The following GALNTL6 variants were observed in gnomAD, a reference collection of about 807,000 sequenced individuals.
GALNTL6 encodes polypeptide N-acetylgalactosaminyltransferase-like 6.
Under a neutral mutation model 73.7 loss-of-function variants are expected in GALNTL6, and 46 were observed. The observed-to-expected ratio is 0.62, with a 90% CI of 0.49 to 0.80. The LOEUF (loss-of-function observed/expected upper bound fraction) is 0.80, where lower values mean the gene tolerates loss of function less well. Ranked by LOEUF, GALNTL6 falls within the 30% of genes least tolerant of loss-of-function variation. The probability of loss-of-function intolerance (pLI) is 0.00; values close to 1 mark genes in which losing one functional copy is unlikely to be tolerated. For synonymous variants in GALNTL6, 259 were observed against 263.7 expected (o/e 0.98, Z 0.17); for missense variants, 604 against 755.0 (o/e 0.80, Z 2.34).
chr4:172,653,203 A>T (rs1740566564), intron 5 of GALNTL6, among the ~76,000 whole-genome samples: 1 of 140,134 alleles, frequency 7.1e-6, no homozygotes, highest in Non-Finnish European at 1.5e-5. Flanking sequence ...GCACTTTGTT[A>T]TCTTTCTATT....
chr4:172,045,803 C>G (rs183850939), intron 2 of GALNTL6, among the ~76,000 whole-genome samples: 31 of 151,928 alleles, frequency 2.0e-4, no homozygotes, highest in African/African-American at 7.2e-4. Context: ...ACAAATTCCT[C>G]CCATGTAACT....
chr4:172,135,350 C>T (rs573064946), intron 2 of GALNTL6, among the ~76,000 whole-genome samples: 115 of 152,030 alleles, frequency 7.6e-4, no homozygotes, highest in Non-Finnish European at 1.4e-3. Context: ...CTGGATTCAT[C>T]TTCAAGACAC....
At chr4:172,218,113 GTGGGCTT>G (rs1736552602) in intron 2 of GALNTL6, among the ~76,000 whole-genome samples, 1 of 152,098 alleles carries the variant, frequency 6.6e-6, no homozygotes, top group African/African-American at 2.4e-5. Context: ...TAGTCTTTTA[GTGGGCTT>G]TGTTCCTGGA....
intron 5 of GALNTL6, chr4:172,669,136 C>T (rs1433320271): frequency 1.3e-5 from 2 of 152,190 alleles, no homozygotes; most frequent in Non-Finnish European, 2.9e-5. Context: ...ACTCCATTAG[C>T]ACCCAGCTAT....
chr4:172,644,973 C>A (rs1255839740), intron 5 of GALNTL6, among the ~76,000 whole-genome samples: 1 of 151,964 alleles, frequency 6.6e-6, no homozygotes, highest in Admixed American at 6.6e-5. Context: ...TTTTCATATG[C>A]ATAATGAATG....
chr4:171,817,783 T>C (rs939008574), intron 2 of GALNTL6, among the ~76,000 whole-genome samples: 1 of 151,740 alleles, frequency 6.6e-6, no homozygotes, highest in Admixed American at 6.6e-5. Context: ...AGGATCGATA[T>C]AACAGTTTTA....
chr4:172,395,944 C>T (rs78108828), intron 5 of GALNTL6, among the ~76,000 whole-genome samples: 2,931 of 152,130 alleles, frequency 0.019, 83 homozygotes, highest in African/African-American at 0.064. Flanking sequence ...TGACTTCACG[C>T]GTAGTTAAAT....
At position 172,658,156 on chromosome 4, in the gene GALNTL6, A is replaced by AAAAAAAAAAAG. The variant is rs1731161995; in HGVS notation, c.554-151195_554-151194insGAAAAAAAAAA. Among the ~76,000 whole-genome samples, 5 of 119,260 alleles carry AAAAAAAAAAAG rather than the reference A, an allele frequency of 4.2e-5. No individual in the cohort carries two copies. In the South Asian group the frequency reaches 1.4e-3, roughly 35 times the overall value. 78.2% of individuals were successfully genotyped at this position (119,260 alleles called of 152,430 possible). On this transcript the variant is annotated intron_variant, in intron 5 of 12. Transcript: ENST00000506823. ...CAGAGCGAGACTCCGTCTCAAAAAA[A>AAAAAAAAAAAG]AAAAAAAAAAAAAGAAATATCTTTG...
At position 172,699,807 on chromosome 4, in the gene GALNTL6, C is replaced by CA. The variant is rs35150003; in HGVS notation, c.554-109549dup. Among the ~76,000 whole-genome samples the CA allele has an allele frequency of 1.3e-4, 19 of 151,924 alleles. No homozygotes were observed. The East Asian group carries it at 1.9e-3, about 15-fold the overall frequency. ...CCAGTGGTGAAATATTGATGTATTACAAAAAGAAAAAGAAAATAATTTTTT... is the reference window on the plus strand; with the variant it reads ...CCAGTGGTGAAATATTGATGTATTACAAAAAAGAAAAAGAAAATAATTTTTT... On this transcript the variant is annotated intron_variant, in intron 5 of 12. Coordinates refer to ENST00000506823, the MANE Select transcript of GALNTL6 (RefSeq NM_001034845.3).
chr4:172,281,279 G>C (rs745598500), intron 3 of GALNTL6, among the ~76,000 whole-genome samples: 2 of 152,196 alleles, frequency 1.3e-5, no homozygotes, highest in African/African-American at 2.4e-5. Flanking sequence ...AGAGGAAAAT[G>C]TATGTTGCTT....
intron 2 of GALNTL6, among the ~76,000 whole-genome samples, chr4:172,011,619 T>C (rs899899360): frequency 1.3e-5 from 2 of 152,044 alleles, no homozygotes; most frequent in Non-Finnish European, 2.9e-5. Flanking sequence ...CTGGAACATG[T>C]TATATGTGAT....
At chr4:172,345,861 C>T (rs333406) in intron 4 of GALNTL6, among the ~76,000 whole-genome samples, 20,016 of 152,114 alleles carry the variant, frequency 0.13, 1,331 homozygotes, top group East Asian at 0.18. Flanking sequence ...TGTGGGCAAC[C>T]GAGGTGTAAT....
At chr4:172,860,216 G>A (rs992834570) in intron 7 of GALNTL6, among the ~76,000 whole-genome samples, 9 of 152,268 alleles carry the variant, frequency 5.9e-5, no homozygotes, top group African/African-American at 2.2e-4. Context: ...TGATGAGATT[G>A]TAACCAATTT....
chr4:171,970,394 A>G (rs1739531579), intron 2 of GALNTL6, among the ~76,000 whole-genome samples: 1 of 152,218 alleles, frequency 6.6e-6, no homozygotes, highest in Admixed American at 6.5e-5. Context: ...AGGATATTAT[A>G]AAGCTTTCAA....
chr4:172,256,208 C>T (rs72702861), intron 3 of GALNTL6, among the ~76,000 whole-genome samples: 3,430 of 151,398 alleles, frequency 0.023, 47 homozygotes, highest in Non-Finnish European at 0.033. Context: ...TCTTCTGTTT[C>T]GCCTGTAAAT....
intron 5 of GALNTL6, among the ~76,000 whole-genome samples, chr4:172,536,335 T>C (rs968895089): frequency 1.3e-5 from 2 of 152,152 alleles, no homozygotes; most frequent in African/African-American, 4.8e-5. Context: ...TAGGTAACAA[T>C]CAGAGGTTGG....
At chr4:172,602,495 T>TG (rs1553964133) in intron 5 of GALNTL6, among the ~76,000 whole-genome samples, 1 of 151,864 alleles carries the variant, frequency 6.6e-6, no homozygotes, top group Non-Finnish European at 1.5e-5. Context: ...TTAAATTAGG[T>TG]TTAAATTATT....
chr4:172,443,883 T>C (rs563637705), intron 5 of GALNTL6, among the ~76,000 whole-genome samples: 1 of 152,300 alleles, frequency 6.6e-6, no homozygotes, highest in African/African-American at 2.4e-5. Flanking sequence ...ATAAGGACCT[T>C]GAACTTTACC....
At chr4:172,357,436 A>T (rs1162906813) in intron 5 of GALNTL6, among the ~76,000 whole-genome samples, 1 of 152,208 alleles carries the variant, frequency 6.6e-6, no homozygotes, top group African/African-American at 2.4e-5. Context: ...TCTCCAGAAG[A>T]TAAGGGTCAT....
Sources: allele counts gnomAD v4.1 joint callset (sites outside exome capture counted in the v4.1 genomes callset), GRCh38; gene constraint gnomAD v4.1.1; transcripts MANE v1.5; gene names NCBI Gene and HGNC (gene_info 2026-07-23, HGNC 2026-07-21).